Variants in ADAMTSL1 observed in about 807,000 individuals in gnomAD.
ADAMTSL1 encodes the protein ADAMTS like 1.
ADAMTSL1 carries 126 observed loss-of-function variants against 201.8 expected under a neutral mutation model. That is an observed-to-expected ratio of 0.62 (90% CI 0.54 to 0.72). The LOEUF (loss-of-function observed/expected upper bound fraction) is 0.72. Ranked by LOEUF, ADAMTSL1 falls within the 30% of genes least tolerant of loss-of-function variation. The pLI is 0.00. For synonymous variants in ADAMTSL1, 1,121 were observed against 903.4 expected (o/e 1.24, Z -4.32); for missense variants, 2,679 against 2,277.8 (o/e 1.18, Z -3.59).
At chr9:18,893,562 C>T (rs982499605) in intron 26 of ADAMTSL1, among the ~76,000 whole-genome samples, 2 of 152,148 alleles carry the variant, frequency 1.3e-5, no homozygotes, top group Non-Finnish European at 2.9e-5. Flanking sequence ...TGAGGTAGAA[C>T]TGGGGATGCT....
intron 3 of ADAMTSL1, among the ~76,000 whole-genome samples, chr9:18,564,975 G>A (rs543133107): frequency 1.6e-4 from 24 of 152,120 alleles, no homozygotes; most frequent in Admixed American, 3.9e-4. Flanking sequence ...AAGAGAAAAA[G>A]TAAAAGCACT....
chr9:18,890,166 C>T (rs565771445), intron 25 of ADAMTSL1, among the ~76,000 whole-genome samples: 1 of 152,312 alleles, frequency 6.6e-6, no homozygotes, highest in East Asian at 1.9e-4. Flanking sequence ...CCAAGTCTAA[C>T]CTTAAATACC....
intron 9 of ADAMTSL1, among the ~76,000 whole-genome samples, chr9:18,664,477 A>C (rs1279950838): frequency 1.3e-5 from 2 of 152,128 alleles, no homozygotes; most frequent in African/African-American, 4.8e-5. Context: ...AGAAATTCCC[A>C]AAAGGGAAAA....
At chr9:18,331,682 C>G (rs1835034454) in intron 2 of ADAMTSL1, among the ~76,000 whole-genome samples, 1 of 152,156 alleles carries the variant, frequency 6.6e-6, no homozygotes, top group Non-Finnish European at 1.5e-5. Context: ...AAGACCCCAA[C>G]TTTTCTATCC....
At chr9:18,903,825 G>A (rs759177306) in intron 26 of ADAMTSL1, among the ~76,000 whole-genome samples, 1 of 151,466 alleles carries the variant, frequency 6.6e-6, no homozygotes, top group Non-Finnish European at 1.5e-5. Flanking sequence ...CACATACATG[G>A]GTTTCACATC....
chr9:18,185,806 T>C (rs138504386), intron 2 of ADAMTSL1, among the ~76,000 whole-genome samples: 1 of 152,172 alleles, frequency 6.6e-6, no homozygotes, highest in Admixed American at 6.5e-5. Context: ...ATTGGTTATG[T>C]CATGTAAAAT....
intron 4 of ADAMTSL1, among the ~76,000 whole-genome samples, chr9:18,605,385 G>T (rs1369055303): frequency 6.6e-6 from 1 of 152,184 alleles, no homozygotes; most frequent in African/African-American, 2.4e-5. Flanking sequence ...CATTGTAGAT[G>T]AAAAAGCGGT....
chr9:18,900,976 A>AG (rs1189243881), intron 26 of ADAMTSL1, among the ~76,000 whole-genome samples: 1 of 152,096 alleles, frequency 6.6e-6, no homozygotes, highest in Non-Finnish European at 1.5e-5. Context: ...ACAGCCAAAA[A>AG]CAAAAGAGAG....
At chr9:18,524,122 C>A (rs1818883758) in intron 2 of ADAMTSL1, among the ~76,000 whole-genome samples, 2 of 151,682 alleles carry the variant, frequency 1.3e-5, no homozygotes, top group Admixed American at 1.3e-4. Flanking sequence ...TTTCCTCGAG[C>A]AGTGGTTTAT....
intron 1 of ADAMTSL1, among the ~76,000 whole-genome samples, chr9:18,068,784 G>C (rs73645710): frequency 0.018 from 2,707 of 152,306 alleles, 68 homozygotes; most frequent in African/African-American, 0.061. Context: ...ATAAAAGCAA[G>C]TAAGATACAT....
chr9:18,574,559 C>A, intron 4 of ADAMTSL1: 1 of 537,408 alleles, frequency 1.9e-6, no homozygotes, highest in Non-Finnish European at 3.3e-6. Flanking sequence ...TGAAATTATC[C>A]CCTGGATTGG....
intron 2 of ADAMTSL1, among the ~76,000 whole-genome samples, chr9:18,457,359 G>T (rs1345437778): frequency 6.6e-6 from 1 of 152,020 alleles, no homozygotes; most frequent in Non-Finnish European, 1.5e-5. Flanking sequence ...TTAGAAACAG[G>T]GTCTCACTGT....
At chr9:18,776,415 A>G (rs1045281494) in intron 18 of ADAMTSL1, among the ~76,000 whole-genome samples, 2 of 152,156 alleles carry the variant, frequency 1.3e-5, no homozygotes, top group Non-Finnish European at 2.9e-5. Context: ...TATTTTAATG[A>G]GAGGAAATGC....
chr9:17,954,826 C>T (rs962866793), intron 1 of ADAMTSL1, among the ~76,000 whole-genome samples: 1 of 152,118 alleles, frequency 6.6e-6, no homozygotes, highest in South Asian at 2.1e-4. Context: ...GGAAATCACT[C>T]TGTACAGGAA....
At chr9:18,372,105 G>A (rs1837070157) in intron 2 of ADAMTSL1, among the ~76,000 whole-genome samples, 1 of 152,160 alleles carries the variant, frequency 6.6e-6, no homozygotes, top group South Asian at 2.1e-4. Context: ...CTTCCTCAAT[G>A]ACTGATTTAG....
intron 16 of ADAMTSL1, among the ~76,000 whole-genome samples, chr9:18,763,591 T>A (rs1012158016): frequency 8.5e-5 from 13 of 152,194 alleles, no homozygotes; most frequent in Admixed American, 3.3e-4. Flanking sequence ...TCCCCCAATT[T>A]TTTTTTGTAG....
intron 2 of ADAMTSL1, among the ~76,000 whole-genome samples, chr9:18,404,502 G>A (rs944198180): frequency 2.0e-5 from 3 of 152,352 alleles, no homozygotes; most frequent in South Asian, 4.1e-4. Flanking sequence ...GCTCAAGTCA[G>A]CCTCTGAGGT....
chr9:18,143,051 G>A (rs1280930209), intron 1 of ADAMTSL1, among the ~76,000 whole-genome samples: 2 of 152,268 alleles, frequency 1.3e-5, no homozygotes, highest in East Asian at 1.9e-4. Context: ...TCTGTCGATG[G>A]CAGTTTCACT....
chr9:18,254,977 T>C (rs1224752531), intron 2 of ADAMTSL1, among the ~76,000 whole-genome samples: 1 of 152,074 alleles, frequency 6.6e-6, no homozygotes, highest in Admixed American at 6.5e-5. Context: ...TGATGATCTA[T>C]AGGTTATATT....
Sources: allele counts gnomAD v4.1 joint callset (sites outside exome capture counted in the v4.1 genomes callset), GRCh38; gene constraint gnomAD v4.1.1; transcripts MANE v1.5; gene names NCBI Gene and HGNC (gene_info 2026-07-23, HGNC 2026-07-21).